KCNH3: variants seen among roughly 807,000 people sequenced by gnomAD.
KCNH3 encodes the protein voltage-gated inwardly rectifying potassium channel KCNH3.
In KCNH3, 36 loss-of-function variants were observed where a neutral mutation model predicts 95.6. The observed-to-expected ratio is 0.38, with a 90% CI of 0.29 to 0.50. The LOEUF is 0.50. Ranked by LOEUF, KCNH3 falls within the 20% of genes least tolerant of loss-of-function variation. The pLI is 0.95. For missense variants in KCNH3, 1,030 were observed against 1,484.1 expected (o/e 0.69, Z 5.03); for synonymous variants, 620 against 646.3 (o/e 0.96, Z 0.62).
rs973439241 is a variant in KCNH3 at position 49,543,802 on chromosome 12, A to C, written c.824-113A>C. 5.8e-6 allele frequency: 8 copies of C among 1,369,312 alleles called. No individual in the cohort carries two copies. In the South Asian group the frequency reaches 1.1e-4, roughly 18 times the overall value. 84.8% of individuals were successfully genotyped at this position (1,369,312 alleles called of 1,614,324 possible). On this transcript the variant is annotated intron_variant, in intron 5 of 14. Coordinates refer to ENST00000257981, the MANE Select transcript of KCNH3 (RefSeq NM_012284.3). ...TACAGTTACTGTGAGAACTAAGACG[A>C]TGTATGGGAAGGGCCGGGGACAGTG... is the stretch of plus-strand genomic sequence containing the variant.
chr12:49,549,420 C>T (rs1394396842), intron 8 of KCNH3, 21 bp from the exon 9 acceptor site: 1 of 1,611,558 alleles, frequency 6.2e-7, no homozygotes, highest in South Asian at 1.1e-5. Context: ...TAGGTGACCC[C>T]CTCTCGTCAC....
intron 7 of KCNH3, 57 bp downstream of exon 7, chr12:49,544,439 G>A: frequency 1.3e-6 from 2 of 1,552,464 alleles, no homozygotes; most frequent in Admixed American, 1.7e-5. Flanking sequence ...AGGAGTGTGA[G>A]TGCCAGCGTG....
intron 5 of KCNH3, 106 bp downstream of exon 5, chr12:49,543,624 C>T (rs1033003938): frequency 7.0e-7 from 1 of 1,420,200 alleles, no homozygotes; most frequent in Non-Finnish European, 9.4e-7. Flanking sequence ...CCCTCGCTCT[C>T]TCTCATTTGT....
rs1233263522 is a variant in KCNH3 at position 49,558,315 on chromosome 12, G to A, written c.*362G>A. ...AAAATAAACTACTTTGGAACCTGGT[G>A]CTTTTTATTTACAAAAGAAAAACAA... On this transcript the variant is annotated 3_prime_UTR_variant, in exon 15 of 15. Coordinates refer to ENST00000257981, the MANE Select transcript of KCNH3 (RefSeq NM_012284.3). 2.5e-6 allele frequency: 1 copy of A among 404,046 alleles called. No homozygotes were observed. Among genetic ancestry groups the A allele is most frequent in the Non-Finnish European group, 4.3e-6 (1 of 230,000 alleles). The allele number at this position is 404,046 out of a possible 1,614,324, so 25.0% of individuals were successfully genotyped here.
intron 1 of KCNH3, 32 bp from the exon 2 acceptor site, chr12:49,540,867 C>T: frequency 6.3e-7 from 1 of 1,582,056 alleles, no homozygotes; most frequent in Non-Finnish European, 8.7e-7. Context: ...CCCCTTCACC[C>T]CACGCCTCCT....
At chr12:49,542,599 A>G (rs1043754331) in intron 3 of KCNH3, 107 bp from the exon 4 acceptor site, 5 of 1,322,522 alleles carry the variant, frequency 3.8e-6, no homozygotes, top group South Asian at 1.5e-5. Context: ...TAAGTGGTCA[A>G]TGAGCCAGAC....
chr12:49,545,206 C>T (rs575816996), intron 7 of KCNH3, among the ~76,000 whole-genome samples: 2 of 152,082 alleles, frequency 1.3e-5, no homozygotes, highest in African/African-American at 4.8e-5. Flanking sequence ...CCTTGCTTTC[C>T]CTCGGCTATT....
chr12:49,542,633 T>A, intron 3 of KCNH3, 73 bp from the exon 4 acceptor site: 2 of 1,488,634 alleles, frequency 1.3e-6, no homozygotes, highest in East Asian at 2.5e-5. Flanking sequence ...AGCAACTGTG[T>A]CCTACACCTG....
intron 7 of KCNH3, among the ~76,000 whole-genome samples, chr12:49,544,975 T>G (rs1310477329): frequency 6.6e-6 from 1 of 152,112 alleles, no homozygotes; most frequent in Non-Finnish European, 1.5e-5. Context: ...TAACTCCTGC[T>G]GGGAGGGCTT....
chr12:49,554,327 C>G lies in KCNH3; in HGVS notation c.1919-10C>G, dbSNP rs371244992. On this transcript the variant is annotated splice_polypyrimidine_tract_variant and intron_variant, in intron 10 of 14. Transcript: ENST00000257981. ...CTCAGGGCTTGCTGACCTCTACTTC[C>G]TCTCCCCAGGGAAGGGCGACCTGAT... The G allele has an allele frequency of 7.1e-5, 114 of 1,612,064 alleles. 1 individual carries two copies. The Middle Eastern group carries it at 1.7e-3, about 23-fold the overall frequency.
chr12:49,554,453 C>T lies in KCNH3; in HGVS notation c.2035C>T (p.His679Tyr), dbSNP rs755853260. 2 of 1,613,466 alleles carry T rather than the reference C, an allele frequency of 1.2e-6. No individual in the cohort carries two copies. Among genetic ancestry groups the T allele is most frequent in the South Asian group, 1.1e-5 (1 of 91,090 alleles). Residue 679 changes from histidine (H) to tyrosine (Y), a missense_variant, in exon 11 of 15, where the codon CAC becomes TAC. His to Tyr is a moderately conservative substitution (Grantham distance 83, BLOSUM62 2). This residue lies in a region of KCNH3 where 160 missense variants were observed against 316.2 expected (regional missense o/e 0.51). Transcript: ENST00000257981. ...GCAGTGTCTGCAGCTGGCTGGCCTG[C>T]ACGACAGCCTTGCGCTGTACCCCGA... ...VLQCLQLAGLHDSLALYPEFA... is the reference protein window; with the variant it reads ...VLQCLQLAGLYDSLALYPEFA...
At chr12:49,546,156 T>A (rs1396682895) in intron 7 of KCNH3, 1 of 152,068 alleles carries the variant, frequency 6.6e-6, no homozygotes, top group Non-Finnish European at 1.5e-5. Flanking sequence ...GATCTGACAT[T>A]AAGAAGACCT....
At position 49,548,947 on chromosome 12, in the gene KCNH3, C is replaced by T. The variant is rs750770786; in HGVS notation, c.1242C>T (p.Gly414=). 1.9e-6 allele frequency: 3 copies of T among 1,603,714 alleles called. No individual in the cohort carries two copies. Among genetic ancestry groups the T allele is most frequent in the Non-Finnish European group, 8.5e-7 (1 of 1,175,822 alleles). ...TGGAGACTCCCTACTACCTGGTGGG[C>T]CGGAGGCCAGCTGGAGGGAACAGCT... ...RRLETPYYLV[G]RRPAGGNSSG... The change falls in exon 8 of 15, where the codon GGC becomes GGT. Residue 414 remains glycine, a synonymous_variant. Transcript: ENST00000257981.
At chr12:49,550,043 T>TGCCCCCCCC in intron 9 of KCNH3, 37 bp from the exon 10 acceptor site, 22 of 1,299,534 alleles carry the variant, frequency 1.7e-5, no homozygotes, top group African/African-American at 2.9e-5. Flanking sequence ...CTTCTGCCAC[T>TGCCCCCCCC]CCCAACCCCC....
chr12:49,556,078 G>A, intron 12 of KCNH3, 127 bp downstream of exon 12: 2 of 607,310 alleles, frequency 3.3e-6, no homozygotes, highest in South Asian at 2.0e-5. Context: ...GGCCAAGCCT[G>A]CCTCCTCCAG....
chr12:49,546,643 G>A (rs1355709313), intron 7 of KCNH3, among the ~76,000 whole-genome samples: 1 of 152,188 alleles, frequency 6.6e-6, no homozygotes, highest in Non-Finnish European at 1.5e-5. Context: ...GCACTCCTTG[G>A]TGTGCGAGCC....
intron 10 of KCNH3, among the ~76,000 whole-genome samples, chr12:49,551,697 A>T (rs1448265932): frequency 6.6e-6 from 1 of 151,524 alleles, no homozygotes; most frequent in Non-Finnish European, 1.5e-5. Flanking sequence ...GTAGTCAAGG[A>T]CTTGTACATG....
Position 49,555,860 on chromosome 12 carries a change from G to A in KCNH3, c.2377G>A (p.Ala793Thr), listed in dbSNP as rs779793007. The change falls in exon 12 of 15, where the codon GCT (alanine) becomes ACT (threonine). Residue 793 changes from alanine (A) to threonine (T), a missense_variant. Coordinates refer to ENST00000257981, the MANE Select transcript of KCNH3 (RefSeq NM_012284.3). The stretch of plus-strand genomic sequence containing the variant: ...GCCAGGCAGGGCAGGGGCTTTGAAG[G>A]CTGAGGCTGGCCCCTCTGCTCCCCC... ...GRPGRAGALKAEAGPSAPPRA... is the reference protein window; with the variant it reads ...GRPGRAGALKTEAGPSAPPRA... 2 of 1,611,532 alleles carry A rather than the reference G, an allele frequency of 1.2e-6. No individual in the cohort carries two copies. The highest frequency in any genetic ancestry group is 1.1e-5 in the South Asian group (1 of 90,756).
In KCNH3 at chr12:49,539,270, A is replaced by T. The variant is rs1937782823; in HGVS notation, c.-147A>T. On this transcript the variant is annotated 5_prime_UTR_variant, in exon 1 of 15. Coordinates refer to ENST00000257981, the MANE Select transcript of KCNH3 (RefSeq NM_012284.3). The surrounding 1 kb of genome is among the most constrained non-coding windows in gnomAD (Gnocchi z 6.7). ...CCCTCGCGCGCCAGCGTCCGGCGCG[A>T]CCCCGGATCCCGGTCTGCGCATTGC... 1 of 295,896 alleles carries T rather than the reference A, an allele frequency of 3.4e-6. No individual in the cohort carries two copies. The allele number at this position is 295,896 out of a possible 1,614,324, so 18.3% of individuals were successfully genotyped here. A position where few individuals can be genotyped will look rare whatever the true frequency, so the allele number is the denominator to read the frequency against.
Sources: gnomAD v4.1 joint callset for allele counts (sites outside exome capture counted in the v4.1 genomes callset) on GRCh38, gnomAD v4.1.1 for gene constraint, gnomAD v4.1.1 regional missense constraint, Gnocchi (gnomAD v3.1) non-coding constraint, MANE v1.5 for transcripts, NCBI Gene and HGNC (gene_info 2026-07-23, HGNC 2026-07-21) for gene names.